The following NFXL1 variants were observed in gnomAD, a reference collection of about 807,000 sequenced individuals.
The protein encoded by NFXL1 is nuclear transcription factor, X-box binding like 1.
NFXL1 carries 66 observed loss-of-function variants against 123.3 expected under a neutral mutation model. That is an observed-to-expected ratio of 0.54 (90% confidence interval 0.44 to 0.66). The LOEUF (loss-of-function observed/expected upper bound fraction) is 0.66, where lower values mean the gene tolerates loss of function less well. NFXL1 is among the 30% of genes least tolerant of loss of function. NFXL1 has a pLI of 0.00. For synonymous variants in NFXL1, 346 were observed against 360.8 expected (o/e 0.96, Z 0.46); for missense variants, 944 against 1,125.6 (o/e 0.84, Z 2.31).
At chr4:47,893,999 A>G (rs925748994) in intron 11 of NFXL1, among the ~76,000 whole-genome samples, 181 bp downstream of exon 11, 1 of 152,104 alleles carries the variant, frequency 6.6e-6, no homozygotes, top group Non-Finnish European at 1.5e-5. Flanking sequence ...AAATTGGTAC[A>G]ATTCCCACTA....
chr4:47,906,411 C>T (rs1209932730), intron 3 of NFXL1, among the ~76,000 whole-genome samples: 1 of 152,124 alleles, frequency 6.6e-6, no homozygotes, highest in South Asian at 2.1e-4. Flanking sequence ...GTGGCTAATT[C>T]TTTACTTTCT....
chr4:47,852,796 C>T (rs1734199031), intron 20 of NFXL1, among the ~76,000 whole-genome samples: 1 of 152,028 alleles, frequency 6.6e-6, no homozygotes, highest in Non-Finnish European at 1.5e-5. Context: ...GCCAATGTCA[C>T]TTTTACTCTC....
chr4:47,895,868 C>A (rs1174693409), intron 10 of NFXL1, among the ~76,000 whole-genome samples: 1 of 152,236 alleles, frequency 6.6e-6, no homozygotes, highest in Non-Finnish European at 1.5e-5. Flanking sequence ...TCCTCACTAG[C>A]TTAATCATCT....
chr4:47,884,765 C>T (rs1038787923), intron 14 of NFXL1, among the ~76,000 whole-genome samples: 2 of 152,110 alleles, frequency 1.3e-5, no homozygotes, highest in African/African-American at 4.8e-5. Flanking sequence ...TAATCTCCAT[C>T]ATTTTACTCA....
intron 3 of NFXL1, among the ~76,000 whole-genome samples, chr4:47,907,995 G>C (rs1000347890): frequency 6.6e-6 from 1 of 152,074 alleles, no homozygotes; most frequent in African/African-American, 2.4e-5. Context: ...AGCAGATATG[G>C]TAAATTCCTT....
intron 12 of NFXL1, among the ~76,000 whole-genome samples, chr4:47,889,311 T>C (rs2110084874): frequency 6.6e-6 from 1 of 152,340 alleles, no homozygotes; most frequent in South Asian, 2.1e-4. Flanking sequence ...CTTTCTAGTG[T>C]TGGTGAGAGC....
At chr4:47,907,685 T>TA (rs1737623954) in intron 3 of NFXL1, among the ~76,000 whole-genome samples, 1 of 152,090 alleles carries the variant, frequency 6.6e-6, no homozygotes, top group Admixed American at 6.5e-5. Flanking sequence ...AAACACAGCA[T>TA]AAAAAAATTA....
chr4:47,888,973 G>A (rs1736612961), intron 12 of NFXL1, among the ~76,000 whole-genome samples: 1 of 152,130 alleles, frequency 6.6e-6, no homozygotes, highest in South Asian at 2.1e-4. Context: ...GACAAATACT[G>A]AAATATTTAT....
intron 5 of NFXL1, among the ~76,000 whole-genome samples, chr4:47,902,097 G>A (rs928881145): frequency 1.3e-5 from 2 of 151,906 alleles, no homozygotes; most frequent in South Asian, 2.1e-4. Context: ...CGGGAGAATC[G>A]CTTGAACCCG....
intron 18 of NFXL1, among the ~76,000 whole-genome samples, chr4:47,868,347 A>G (rs1487461159): frequency 6.6e-5 from 10 of 151,658 alleles, no homozygotes; most frequent in African/African-American, 2.4e-4. Flanking sequence ...AAAGAAAAAG[A>G]AAAAAAGGTC....
chr4:47,883,220 G>A (rs914893850), intron 15 of NFXL1, among the ~76,000 whole-genome samples: 3 of 151,886 alleles, frequency 2.0e-5, no homozygotes, highest in African/African-American at 7.3e-5. Context: ...ACTCTAGCCT[G>A]GGTGACGGAG....
At chr4:47,881,972 A>G (rs1344044551) in intron 15 of NFXL1, among the ~76,000 whole-genome samples, 1 of 152,200 alleles carries the variant, frequency 6.6e-6, no homozygotes, top group Non-Finnish European at 1.5e-5. Flanking sequence ...AATACATGAC[A>G]TTACACATTT....
chr4:47,899,159 A>T lies in NFXL1; in HGVS notation c.827-39T>A, dbSNP rs756390341. 4.0e-3 allele frequency: 4,665 copies of T among 1,162,994 alleles called. 163 individuals carry two copies. The African/African-American group carries it at 0.068, about 17-fold the overall frequency. 72.0% of individuals were successfully genotyped at this position (1,162,994 alleles called of 1,614,324 possible). On this transcript the variant is annotated intron_variant, in intron 6 of 22. Coordinates refer to ENST00000507489, the MANE Select transcript of NFXL1 (RefSeq NM_001278624.2). ...AAAGCAAAAAAAAAAAAAAAAAAAA[A>T]ATCTAAAGTCAGAAACTAAAACTTT...
chr4:47,850,420 C>T (rs370796296), intron 22 of NFXL1, among the ~76,000 whole-genome samples: 205 of 152,164 alleles, frequency 1.3e-3, no homozygotes, highest in African/African-American at 4.7e-3. Context: ...AGTAGCTTAG[C>T]ACACAATACA....
chr4:47,897,078 G>A (rs916244068), intron 9 of NFXL1, among the ~76,000 whole-genome samples: 1 of 152,186 alleles, frequency 6.6e-6, no homozygotes, highest in African/African-American at 2.4e-5. Context: ...GGGAGGCCGA[G>A]ACAGGAGGAT....
chr4:47,855,232 C>G, intron 19 of NFXL1, 69 bp from the exon 20 acceptor site: 1 of 832,576 alleles, frequency 1.2e-6, no homozygotes, highest in East Asian at 2.8e-5. Context: ...CCCCCATACC[C>G]CAACAATTTT....
At chr4:47,907,060 A>G (rs1004687175) in intron 3 of NFXL1, among the ~76,000 whole-genome samples, 2 of 152,244 alleles carry the variant, frequency 1.3e-5, no homozygotes, top group Non-Finnish European at 2.9e-5. Flanking sequence ...CACAATTATC[A>G]TATGGATTTA....
chr4:47,893,910 T>TTC (rs1736922791), intron 11 of NFXL1, among the ~76,000 whole-genome samples: 1 of 116,000 alleles, frequency 8.6e-6, no homozygotes, highest in Non-Finnish European at 1.9e-5. Flanking sequence ...AATCATACAT[T>TTC]TCAGTGATCA....
chr4:47,900,888 AG>A (rs1206605522), intron 5 of NFXL1, among the ~76,000 whole-genome samples: 1 of 152,246 alleles, frequency 6.6e-6, no homozygotes, highest in Non-Finnish European at 1.5e-5. Flanking sequence ...CAAAATACTA[AG>A]TTCATCTGTC....
Sources: allele counts gnomAD v4.1 joint callset (sites outside exome capture counted in the v4.1 genomes callset), GRCh38; gene constraint gnomAD v4.1.1; transcripts MANE v1.5; gene names NCBI Gene and HGNC (gene_info 2026-07-23, HGNC 2026-07-21).